Variants in SLC14A2 observed in about 807,000 individuals in gnomAD.
The protein encoded by SLC14A2 is urea transporter 2.
In SLC14A2, 91 loss-of-function variants were observed where a neutral mutation model predicts 104.6. The observed-to-expected ratio is 0.87, with a 90% confidence interval of 0.73 to 1.04. SLC14A2 has a LOEUF of 1.04. Ranked by LOEUF, SLC14A2 falls within the 50% of genes least tolerant of loss-of-function variation. The pLI is 0.00. For missense variants in SLC14A2, 1,189 were observed against 1,156.0 expected, an observed-to-expected ratio of 1.03 and a Z score of -0.41; for synonymous variants, 476 against 466.4, an observed-to-expected ratio of 1.02 and a Z score of -0.27.
intron 1 of SLC14A2, among the ~76,000 whole-genome samples, chr18:45,436,981 G>A (rs1450803847): frequency 6.6e-6 from 1 of 152,144 alleles, no homozygotes. Context: ...CCTCCGCTCA[G>A]GATTCTAGGT....
At chr18:45,170,512 C>T in the SLC14A2 span, among the ~76,000 whole-genome samples, 1 of 152,076 alleles carries the variant, frequency 6.6e-6, no homozygotes, top group African/African-American at 2.4e-5. Context: ...GAACTCAGGA[C>T]CTTACAAGAC....
intron 1 of SLC14A2, among the ~76,000 whole-genome samples, chr18:45,350,059 C>T (rs1023488116): frequency 2.6e-5 from 4 of 152,214 alleles, no homozygotes; most frequent in African/African-American, 9.6e-5. Context: ...ATAATTACTG[C>T]ACTCACTGTT....
chr18:45,256,370 C>T (rs562599274), intron 1 of SLC14A2, among the ~76,000 whole-genome samples: 19 of 152,316 alleles, frequency 1.2e-4, no homozygotes, highest in Non-Finnish European at 2.9e-5. Context: ...TCAATCACCC[C>T]CTTCCATCTC....
intron 1 of SLC14A2, among the ~76,000 whole-genome samples, chr18:45,331,147 C>T (rs550990655): frequency 6.6e-6 from 1 of 152,316 alleles, no homozygotes; most frequent in South Asian, 2.1e-4. Context: ...CTAGCAAGTA[C>T]TGCATCGATG....
chr18:45,238,955 T>C (rs979499930), intron 1 of SLC14A2, among the ~76,000 whole-genome samples: 22 of 152,158 alleles, frequency 1.4e-4, no homozygotes, highest in African/African-American at 5.3e-4. Flanking sequence ...AACTACACTA[T>C]CAGAAAGAAT....
At chr18:45,665,179 T>C in intron 11 of SLC14A2, among the ~76,000 whole-genome samples, 1 of 152,148 alleles carries the variant, frequency 6.6e-6, no homozygotes, top group East Asian at 1.9e-4. Flanking sequence ...CTTCGATGCA[T>C]CCCTTCTAGT....
chr18:45,398,926 C>A (rs1598756765), intron 1 of SLC14A2, among the ~76,000 whole-genome samples: 1 of 152,154 alleles, frequency 6.6e-6, no homozygotes, highest in Admixed American at 6.5e-5. Flanking sequence ...TGCACAACAA[C>A]GTACACATAC....
At chr18:45,637,632 A>ACT (rs1361701115) in intron 6 of SLC14A2, among the ~76,000 whole-genome samples, 1 of 151,872 alleles carries the variant, frequency 6.6e-6, no homozygotes, top group Middle Eastern at 3.2e-3. Context: ...ATTTTTATAT[A>ACT]CTCTCTCTCT....
intron 2 of SLC14A2, among the ~76,000 whole-genome samples, chr18:45,500,531 C>T (rs866138604): frequency 1.5e-4 from 22 of 145,750 alleles, no homozygotes; most frequent in Non-Finnish European, 2.8e-4. Context: ...GAGCCGAGAT[C>T]GCGCCACTGC....
At chr18:45,489,867 A>T (rs942226699) in intron 2 of SLC14A2, 1 of 152,236 alleles carries the variant, frequency 6.6e-6, no homozygotes, top group African/African-American at 2.4e-5. Flanking sequence ...GGTGTTTTGA[A>T]CTGTTCAAAG....
chr18:45,422,128 G>A (rs369095106), intron 1 of SLC14A2, among the ~76,000 whole-genome samples: 2 of 152,306 alleles, frequency 1.3e-5, no homozygotes, highest in South Asian at 4.1e-4. Flanking sequence ...GAAATAGGGA[G>A]CTATAGCAGG....
chr18:45,637,119 A>C lies in SLC14A2; in HGVS notation c.780A>C (p.Thr260=), dbSNP rs774677735. The C allele has an allele frequency of 1.9e-6, 3 of 1,614,152 alleles. No homozygotes were observed. The highest frequency in any genetic ancestry group is 2.5e-6 in the Non-Finnish European group (3 of 1,179,996). Residue 260 remains threonine (T), a synonymous_variant, in exon 6 of 20, where the codon ACA becomes ACC. Transcript: ENST00000255226. The part of the protein sequence containing the change: ...ATGHYNLFFP[T]TLVEPVSSVP... ...GCCACTACAACCTCTTCTTCCCCAC[A>C]ACACTGGTAGAGCCTGTGTCTTCAG...
chr18:45,234,776 C>T (rs1193221419), intron 1 of SLC14A2, among the ~76,000 whole-genome samples: 1 of 152,158 alleles, frequency 6.6e-6, no homozygotes, highest in Non-Finnish European at 1.5e-5. Context: ...GTTTCTAGAA[C>T]CAAACTCTAT....
intron 19 of SLC14A2, among the ~76,000 whole-genome samples, chr18:45,680,871 A>G (rs2046301362): frequency 6.6e-6 from 1 of 152,224 alleles, no homozygotes; most frequent in Admixed American, 6.5e-5. Flanking sequence ...CACTTTGTGC[A>G]GTCTTAGTGG....
intron 1 of SLC14A2, among the ~76,000 whole-genome samples, chr18:45,451,587 A>C (rs11874631): frequency 0.36 from 54,924 of 152,018 alleles, 12,029 homozygotes; most frequent in Non-Finnish European, 0.48. Flanking sequence ...TAAAAGCCCA[A>C]CTTAAAATAA....
intron 4 of SLC14A2, among the ~76,000 whole-genome samples, chr18:45,628,379 G>A (rs1405204628): frequency 1.3e-5 from 2 of 151,344 alleles, no homozygotes; most frequent in Non-Finnish European, 1.5e-5. Context: ...GGGAGGCGGA[G>A]GTTGCAGTTA....
At chr18:45,461,435 C>G (rs2087042958) in intron 1 of SLC14A2, among the ~76,000 whole-genome samples, 1 of 152,248 alleles carries the variant, frequency 6.6e-6, no homozygotes, top group African/African-American at 2.4e-5. Flanking sequence ...AGGACAGCAT[C>G]CTGACCATCT....
chr18:45,391,096 C>T (rs1397794443), intron 1 of SLC14A2, among the ~76,000 whole-genome samples: 3 of 152,050 alleles, frequency 2.0e-5, no homozygotes, highest in Non-Finnish European at 4.4e-5. Context: ...CACCCCACAA[C>T]AGGCCCTGGT....
chr18:45,226,889 C>T (rs1176395618), intron 1 of SLC14A2, among the ~76,000 whole-genome samples: 1 of 151,968 alleles, frequency 6.6e-6, no homozygotes, highest in Non-Finnish European at 1.5e-5. Flanking sequence ...AGTTTATTTT[C>T]CTCTCCTAAT....
Sources: allele counts gnomAD v4.1 joint callset (sites outside exome capture counted in the v4.1 genomes callset), GRCh38; gene constraint gnomAD v4.1.1; transcripts MANE v1.5; gene names NCBI Gene and HGNC (gene_info 2026-07-23, HGNC 2026-07-21).